RIMS1: variants seen among roughly 807,000 people sequenced by gnomAD.
RIMS1 encodes the protein regulating synaptic membrane exocytosis 1.
A neutral mutation model predicts 214.1 loss-of-function variants in RIMS1; 83 were observed. The observed-to-expected ratio is 0.39, with a 90% CI of 0.32 to 0.47. The LOEUF (loss-of-function observed/expected upper bound fraction) is 0.47, where lower values mean the gene tolerates loss of function less well. Ranked by LOEUF, RIMS1 falls within the 20% of genes least tolerant of loss-of-function variation. The probability of loss-of-function intolerance (pLI) is 0.99; values close to 1 mark genes in which losing one functional copy is unlikely to be tolerated. For missense variants in RIMS1, 2,050 were observed against 2,161.8 expected (o/e 0.95, Z 1.03); for synonymous variants, 793 against 786.8 (o/e 1.01, Z -0.13).
chr6:72,196,739 G>A (rs1397121629), intron 6 of RIMS1, among the ~76,000 whole-genome samples: 1 of 151,830 alleles, frequency 6.6e-6, no homozygotes, highest in Non-Finnish European at 1.5e-5. Flanking sequence ...ATGAGTAGAT[G>A]AGATGTTTAT....
At chr6:71,931,980 G>T (rs1783178391) in intron 1 of RIMS1, among the ~76,000 whole-genome samples, 1 of 152,068 alleles carries the variant, frequency 6.6e-6, no homozygotes, top group Non-Finnish European at 1.5e-5. Flanking sequence ...AAAAATAGCA[G>T]ATGCAGGCAA....
At chr6:72,355,426 T>C (rs1196149608) in intron 29 of RIMS1, among the ~76,000 whole-genome samples, 1 of 152,246 alleles carries the variant, frequency 6.6e-6, no homozygotes, top group South Asian at 2.1e-4. Flanking sequence ...ACCTGGAAAA[T>C]AATAGCATTA....
At chr6:72,252,277 A>G (rs1354883360) in intron 15 of RIMS1, among the ~76,000 whole-genome samples, 2 of 152,092 alleles carry the variant, frequency 1.3e-5, no homozygotes, top group African/African-American at 4.8e-5. Context: ...TTAATGTTTA[A>G]TGAAGTATAA....
At chr6:71,993,062 AAC>A (rs1469108047) in intron 2 of RIMS1, among the ~76,000 whole-genome samples, 1 of 152,188 alleles carries the variant, frequency 6.6e-6, no homozygotes, top group African/African-American at 2.4e-5. Context: ...TTTTTATCTA[AAC>A]ACACACAAGA....
intron 4 of RIMS1, among the ~76,000 whole-genome samples, chr6:72,154,260 T>G (rs762651936): frequency 4.2e-5 from 5 of 119,868 alleles, no homozygotes; most frequent in Non-Finnish European, 7.9e-5. Flanking sequence ...TTTGGCTCCT[T>G]CTATGAAGGA....
intron 4 of RIMS1, among the ~76,000 whole-genome samples, chr6:72,128,443 TA>T (rs1219310419): frequency 1.3e-5 from 2 of 152,022 alleles, no homozygotes; most frequent in Non-Finnish European, 2.9e-5. Context: ...AAAAAAAATG[TA>T]TTTGCCCTTA....
intron 6 of RIMS1, among the ~76,000 whole-genome samples, chr6:72,227,681 A>G (rs1434318428): frequency 6.6e-6 from 1 of 152,018 alleles, no homozygotes; most frequent in African/African-American, 2.4e-5. Context: ...AAACATAAGG[A>G]TGGCACCACA....
chr6:72,030,406 G>A (rs1056975177), intron 2 of RIMS1, among the ~76,000 whole-genome samples: 7 of 152,072 alleles, frequency 4.6e-5, no homozygotes, highest in African/African-American at 1.2e-4. Flanking sequence ...TACTTAAGCT[G>A]TTGTAGTGTT....
rs1225186356 is a variant in RIMS1, at chr6:72,342,939, ATCT to A, written c.4366+9108_4366+9110del. Among the ~76,000 whole-genome samples the A allele has an allele frequency of 5.3e-5, 8 of 151,800 alleles. No individual in the cohort carries two copies. The South Asian group carries it at 1.5e-3, about 28-fold the overall frequency. On this transcript the variant is annotated intron_variant, in intron 29 of 33. Transcript: ENST00000521978. ...AGGAGCTTGAGTCAGAGGCTGCTTGATCTTCTCAGTGCAAATGAGGTATTAACA... is the reference window on the plus strand; with the variant it reads ...AGGAGCTTGAGTCAGAGGCTGCTTGATCTCAGTGCAAATGAGGTATTAACA...
intron 4 of RIMS1, among the ~76,000 whole-genome samples, chr6:72,174,512 A>G (rs1221923575): frequency 6.6e-6 from 1 of 152,162 alleles, no homozygotes; most frequent in East Asian, 1.9e-4. Flanking sequence ...ATTTTTTCTA[A>G]TGTATCCTAA....
At chr6:72,293,100 A>C (rs553881564) in intron 26 of RIMS1, among the ~76,000 whole-genome samples, 1 of 152,152 alleles carries the variant, frequency 6.6e-6, no homozygotes, top group South Asian at 2.1e-4. Flanking sequence ...ATTGCCATGC[A>C]GAATACTTGA....
chr6:71,916,232 G>C (rs1442144419), intron 1 of RIMS1, among the ~76,000 whole-genome samples: 1 of 152,222 alleles, frequency 6.6e-6, no homozygotes, highest in East Asian at 1.9e-4. Flanking sequence ...GTGGGTTAAT[G>C]CTTGAAAAAG....
At chr6:72,348,052 C>T (rs549082277) in intron 29 of RIMS1, among the ~76,000 whole-genome samples, 7 of 151,980 alleles carry the variant, frequency 4.6e-5, no homozygotes, top group African/African-American at 1.4e-4. Context: ...ACATAATGCT[C>T]AAATGGTAAT....
chr6:72,169,964 G>A lies in RIMS1; in HGVS notation c.472-9611G>A, dbSNP rs73530640. On this transcript the variant is annotated intron_variant, in intron 4 of 33. Transcript: ENST00000521978. ...TCTCCTCAGAATCTTCCAATGGCTCGTCATTACTCATCATAAAAGTCAAAG... is the reference window on the plus strand; with the variant it reads ...TCTCCTCAGAATCTTCCAATGGCTCATCATTACTCATCATAAAAGTCAAAG... 8.7e-3 allele frequency among the ~76,000 whole-genome samples: 1,329 copies of A among 152,160 alleles called. 17 individuals are homozygous for A. The highest frequency in any genetic ancestry group is 0.03 in the African/African-American group (1,254 of 41,492).
chr6:72,254,111 A>G (rs140858625), intron 16 of RIMS1, among the ~76,000 whole-genome samples: 2,500 of 152,138 alleles, frequency 0.016, 65 homozygotes, highest in African/African-American at 0.056. Context: ...TGATCCGCCC[A>G]CCTCGGCCTC....
At chr6:72,194,174 A>G (rs142546161) in intron 6 of RIMS1, among the ~76,000 whole-genome samples, 1 of 152,160 alleles carries the variant, frequency 6.6e-6, no homozygotes, top group African/African-American at 2.4e-5. Context: ...CATCCAAAGC[A>G]ATATACAAAT....
intron 4 of RIMS1, among the ~76,000 whole-genome samples, chr6:72,130,859 AT>A (rs1415032691): frequency 2.0e-5 from 3 of 152,176 alleles, no homozygotes; most frequent in Non-Finnish European, 4.4e-5. Flanking sequence ...AAGGCCAGGC[AT>A]TTCTTTGCAA....
intron 6 of RIMS1, among the ~76,000 whole-genome samples, chr6:72,196,603 T>TTTTTTTTTTTTTTTTTTTTTTTA (rs780611745): frequency 3.0e-5 from 4 of 132,208 alleles, no homozygotes; most frequent in Non-Finnish European, 6.5e-5. Flanking sequence ...TTTTTTTTTT[T>TTTTTTTTTTTTTTTTTTTTTTTA]ACCTATACAG....
chr6:72,332,253 A>G (rs1044226706), intron 28 of RIMS1, among the ~76,000 whole-genome samples: 1 of 151,860 alleles, frequency 6.6e-6, no homozygotes, highest in Non-Finnish European at 1.5e-5. Context: ...TAAGGGTCAT[A>G]TAATTAGTTT....
Sources: gnomAD v4.1 joint callset for allele counts (sites outside exome capture counted in the v4.1 genomes callset) on GRCh38, gnomAD v4.1.1 for gene constraint, MANE v1.5 for transcripts, NCBI Gene and HGNC (gene_info 2026-07-23, HGNC 2026-07-21) for gene names.